Variants in FGGY observed in about 807,000 individuals in gnomAD.
FGGY encodes the protein FGGY carbohydrate kinase domain-containing protein.
In FGGY, 72 loss-of-function variants were observed where a neutral mutation model predicts 71.3. The ratio of observed to expected loss-of-function variants is 1.01; its 90% CI spans 0.84 to 1.23. FGGY has a LOEUF of 1.23. FGGY is among the 50% of genes most tolerant of loss of function. FGGY has a pLI of 0.00. For synonymous variants in FGGY, 251 were observed against 250.3 expected (o/e 1.00, Z -0.02); for missense variants, 668 against 682.3 (o/e 0.98, Z 0.23).
chr1:59,382,257 T>C (rs958328273), intron 5 of FGGY, among the ~76,000 whole-genome samples: 1 of 152,148 alleles, frequency 6.6e-6, no homozygotes, highest in Non-Finnish European at 1.5e-5. Flanking sequence ...TCTCATTCTT[T>C]TTTGTAGTGA....
At chr1:59,418,724 G>T (rs934199537) in intron 5 of FGGY, among the ~76,000 whole-genome samples, 1 of 152,174 alleles carries the variant, frequency 6.6e-6, no homozygotes. Context: ...CTTTTTTTGT[G>T]TGTGTGTGTG....
chr1:59,344,992 A>G (rs202242837), intron 3 of FGGY, among the ~76,000 whole-genome samples: 5 of 152,166 alleles, frequency 3.3e-5, no homozygotes, highest in Non-Finnish European at 4.4e-5. Flanking sequence ...TCTGTTCTCT[A>G]TGCAGATCTA....
At chr1:59,533,260 C>T (rs2095209155) in intron 7 of FGGY, among the ~76,000 whole-genome samples, 1 of 152,146 alleles carries the variant, frequency 6.6e-6, no homozygotes, top group African/African-American at 2.4e-5. Flanking sequence ...CCTGGAAAAT[C>T]GGGTGACTCC....
intron 7 of FGGY, among the ~76,000 whole-genome samples, chr1:59,549,047 T>C (rs928444739): frequency 1.2e-4 from 19 of 152,220 alleles, no homozygotes; most frequent in Admixed American, 1.2e-3. Flanking sequence ...AAATGAATGT[T>C]AGTCAAAATA....
At chr1:59,541,822 A>T (rs1208949825) in intron 7 of FGGY, among the ~76,000 whole-genome samples, 1 of 152,232 alleles carries the variant, frequency 6.6e-6, no homozygotes, top group Non-Finnish European at 1.5e-5. Flanking sequence ...CTGGAGCCAG[A>T]CTACCTAAGT....
chr1:59,481,120 C>T (rs2153566575), intron 6 of FGGY, among the ~76,000 whole-genome samples: 1 of 152,250 alleles, frequency 6.6e-6, no homozygotes, highest in East Asian at 1.9e-4. Flanking sequence ...TAGTGACTTG[C>T]ACAGTCAAAA....
chr1:59,524,506 A>C (rs1164921596), intron 7 of FGGY, among the ~76,000 whole-genome samples: 2 of 152,182 alleles, frequency 1.3e-5, no homozygotes, highest in Admixed American at 1.3e-4. Flanking sequence ...GGGTCCACCC[A>C]TGGCTACCCA....
At chr1:59,615,078 G>T (rs1218179265) in intron 9 of FGGY, among the ~76,000 whole-genome samples, 1 of 152,066 alleles carries the variant, frequency 6.6e-6, no homozygotes, top group Non-Finnish European at 1.5e-5. Flanking sequence ...CACTGCCCAA[G>T]GTAATTTATA....
intron 8 of FGGY, among the ~76,000 whole-genome samples, chr1:59,595,023 C>T (rs2096503130): frequency 6.6e-6 from 1 of 152,156 alleles, no homozygotes; most frequent in African/African-American, 2.4e-5. Context: ...TCCACTGATG[C>T]CCCTGCATTC....
intron 7 of FGGY, among the ~76,000 whole-genome samples, chr1:59,540,132 A>T (rs531354907): frequency 6.6e-6 from 1 of 152,350 alleles, no homozygotes; most frequent in South Asian, 2.1e-4. Flanking sequence ...ATTGATGGGG[A>T]TATCAAACAC....
At chr1:59,451,692 A>G (rs2072768421) in intron 5 of FGGY, among the ~76,000 whole-genome samples, 1 of 152,146 alleles carries the variant, frequency 6.6e-6, no homozygotes, top group East Asian at 1.9e-4. Flanking sequence ...TTGTCCTCAG[A>G]CAGTGCTTAT....
At chr1:59,697,989 A>G (rs1000911619) in intron 14 of FGGY, among the ~76,000 whole-genome samples, 4 of 152,328 alleles carry the variant, frequency 2.6e-5, no homozygotes, top group Middle Eastern at 6.8e-3. Flanking sequence ...ACATAGAGAT[A>G]ATAATACTTT....
intron 4 of FGGY, among the ~76,000 whole-genome samples, chr1:59,375,135 C>T (rs2058437697): frequency 6.6e-6 from 1 of 151,178 alleles, no homozygotes; most frequent in Non-Finnish European, 1.5e-5. Context: ...TGGCATGCAC[C>T]TGTGTTCCCA....
In FGGY at chr1:59,401,147, T is replaced by C. The variant is rs79712029; in HGVS notation, c.554+22310T>C. 7.6e-3 allele frequency among the ~76,000 whole-genome samples: 1,158 copies of C among 152,334 alleles called. 26 individuals are homozygous for C. Among genetic ancestry groups the C allele is most frequent in the African/African-American group, 0.026 (1,091 of 41,578 alleles). On this transcript the variant is annotated intron_variant, in intron 5 of 15. Coordinates refer to ENST00000303721, the MANE Select transcript of FGGY (RefSeq NM_018291.5). ...TTAGTGTTCGGTTTAACTATTAATC[T>C]TATCCTGTTAAATTATTTAAAATTT... is the stretch of plus-strand genomic sequence containing the variant.
In FGGY at chr1:59,456,963, C is replaced by A; in HGVS notation, c.557C>A (p.Ser186Tyr). Residue 186 changes from serine (S) to tyrosine (Y), a missense_variant and splice_region_variant, in exon 6 of 16, where the codon TCT (serine) becomes TAT (tyrosine). Coordinates refer to ENST00000303721, the MANE Select transcript of FGGY (RefSeq NM_018291.5). ...SWKATGVTARSLCSLVCKWTY... is the reference protein window; with the variant it reads ...SWKATGVTARYLCSLVCKWTY... ...CTATATCTCTTCTATTTTCTTAGGT[C>A]TCTCTGCTCCCTGGTGTGTAAGTGG... is the stretch of plus-strand genomic sequence containing the variant. 6.2e-7 allele frequency: 1 copy of A among 1,610,756 alleles called. No individual in the cohort carries two copies. Among genetic ancestry groups the A allele is most frequent in the Non-Finnish European group, 8.5e-7 (1 of 1,177,016 alleles).
chr1:59,396,287 T>C (rs1056588168), intron 5 of FGGY, among the ~76,000 whole-genome samples: 3 of 152,204 alleles, frequency 2.0e-5, no homozygotes, highest in Non-Finnish European at 4.4e-5. Context: ...CTGATTTTTG[T>C]GACATTAATG....
intron 14 of FGGY, among the ~76,000 whole-genome samples, chr1:59,718,555 C>T (rs1388600569): frequency 2.0e-5 from 3 of 152,184 alleles, no homozygotes; most frequent in African/African-American, 7.2e-5. Context: ...ATGTGAGGCT[C>T]TCCACTACCA....
chr1:59,694,098 G>A (rs544676279), intron 14 of FGGY, among the ~76,000 whole-genome samples: 9 of 151,882 alleles, frequency 5.9e-5, no homozygotes, highest in African/African-American at 1.7e-4. Context: ...TCAGGAGATC[G>A]AGACCACGGT....
Position 59,757,993 on chromosome 1 carries a change from G to C in FGGY, c.1574+1G>C. ...TGTTCCCGAGACTACAGGATAAAAA[G>C]TAAGTGTGTATTTTTTATATGTACA... On this transcript the variant is annotated splice_donor_variant, in intron 15 of 15. Coordinates refer to ENST00000303721, the MANE Select transcript of FGGY (RefSeq NM_018291.5). LOFTEE classifies it high-confidence loss of function. 1.2e-6 allele frequency: 2 copies of C among 1,609,888 alleles called. No individual in the cohort carries two copies. The highest frequency in any genetic ancestry group is 4.5e-5 in the East Asian group (2 of 44,836).
Sources: allele counts gnomAD v4.1 joint callset (sites outside exome capture counted in the v4.1 genomes callset), GRCh38; gene constraint gnomAD v4.1.1; transcripts MANE v1.5; gene names NCBI Gene and HGNC (gene_info 2026-07-23, HGNC 2026-07-21).